HIBCH: variants seen among roughly 807,000 people sequenced by gnomAD.
HIBCH encodes 3-hydroxyisobutyryl-CoA hydrolase, mitochondrial.
HIBCH carries 50 observed loss-of-function variants against 58.2 expected under a neutral mutation model. That is an observed-to-expected ratio of 0.86 (90% CI 0.68 to 1.09). The LOEUF is 1.09. Among genes scored for constraint, HIBCH ranks in the 50% least tolerant of loss-of-function variants. The pLI, the probability that HIBCH is intolerant of heterozygous loss-of-function variation, is 0.00. For synonymous variants in HIBCH, 151 were observed against 146.9 expected (o/e 1.03, Z -0.20); for missense variants, 450 against 449.7 (o/e 1.00, Z -0.01).
chr2:190,209,282 T>C lies in HIBCH; in HGVS notation c.1012-369A>G, dbSNP rs1297215098. Among the ~76,000 whole-genome samples, 1 of 152,134 alleles carries C rather than the reference T, an allele frequency of 6.6e-6. No individual in the cohort carries two copies. Among genetic ancestry groups the C allele is most frequent in the Non-Finnish European group, 1.5e-5 (1 of 68,022 alleles). ...AACCTTTTTTCCTTTTTTACAATCC[T>C]AGCAAAATCCTGGCACCAACTAAAC... On this transcript the variant is annotated intron_variant, in intron 12 of 13. Transcript: ENST00000359678. This position sits in a 1 kb window ranked among gnomAD's most constrained non-coding sequence, Gnocchi z 5.6.
At chr2:190,286,977 T>C (rs1269373218) in intron 6 of HIBCH, among the ~76,000 whole-genome samples, 4 of 151,686 alleles carry the variant, frequency 2.6e-5, no homozygotes, top group Admixed American at 6.6e-5. Context: ...ACAATCAGTT[T>C]CCATTGCTTA....
chr2:190,296,719 A>G, intron 3 of HIBCH, 94 bp downstream of exon 3: 4 of 1,172,962 alleles, frequency 3.4e-6, no homozygotes, highest in Non-Finnish European at 5.1e-6. Flanking sequence ...TATCCCAGAG[A>G]ATTATGTGAT....
chr2:190,264,815 T>A (rs1211573599), intron 6 of HIBCH, among the ~76,000 whole-genome samples: 1 of 151,974 alleles, frequency 6.6e-6, no homozygotes, highest in Non-Finnish European at 1.5e-5. Context: ...AGTAAAAGTG[T>A]CAGGTCAAAG....
chr2:190,245,690 G>A (rs1686584772), intron 10 of HIBCH, among the ~76,000 whole-genome samples: 1 of 151,978 alleles, frequency 6.6e-6, no homozygotes, highest in Non-Finnish European at 1.5e-5. Flanking sequence ...ACTTTCAAAG[G>A]TAAGTGAAAA....
intron 4 of HIBCH, among the ~76,000 whole-genome samples, chr2:190,292,591 G>A (rs541641891): frequency 1.4e-3 from 219 of 152,338 alleles, no homozygotes; most frequent in Non-Finnish European, 2.3e-3. Context: ...GATTACAGGC[G>A]TTAGCCTCTG....
rs5837182 is a variant in HIBCH at position 190,194,474 on chromosome 2, GTA to G, written c.*18-4479_*18-4478del. 3.2e-3 allele frequency among the ~76,000 whole-genome samples: 402 copies of G among 124,002 alleles called. 1 individual carries two copies. Among genetic ancestry groups the G allele is most frequent in the African/African-American group, 0.012 (310 of 26,482 alleles). The allele number at this position is 124,002 out of a possible 152,430, so 81.4% of individuals were successfully genotyped here. On this transcript the variant is annotated intron_variant, in intron 1 of 1. Coordinates refer to the HIBCH transcript ENST00000399855. The stretch of plus-strand genomic sequence containing the variant: ...GAAGTAGTGTTCCCACGTATCCTGT[GTA>G]TACACACACACACACACACACACAC...
chr2:190,297,074 C>G, intron 2 of HIBCH, 121 bp from the exon 3 acceptor site: 1 of 859,532 alleles, frequency 1.2e-6, no homozygotes, highest in Non-Finnish European at 1.9e-6. Context: ...GAAAGAATAA[C>G]TAGGTACACC....
At chr2:190,221,765 T>C (rs1387637476) in intron 11 of HIBCH, among the ~76,000 whole-genome samples, 1 of 151,900 alleles carries the variant, frequency 6.6e-6, no homozygotes, top group Non-Finnish European at 1.5e-5. Context: ...GAGACTACGG[T>C]TGGACATTGG....
rs572878671 is a variant in HIBCH at position 190,257,157 on chromosome 2, T to C, written c.517+3999A>G. ...TCATAATCAAATAGCTTGAAACATG[T>C]GATCAAGAGAAAATCTTAAGAGCAG... On this transcript the variant is annotated intron_variant, in intron 7 of 13. Transcript: ENST00000359678. Among the ~76,000 whole-genome samples the C allele has an allele frequency of 1.2e-3, 187 of 152,144 alleles. 6 individuals are homozygous for C. The South Asian group carries it at 0.037, about 30-fold the overall frequency.
At chr2:190,201,247 A>AT (rs1690232156), downstream of HIBCH, 1 of 166,790 alleles carries the variant, frequency 6.0e-6, no homozygotes, top group Non-Finnish European at 1.5e-5. Context: ...TTTCTCTTTC[A>AT]TTTTTACTGT....
At chr2:190,237,947 T>A (rs1686329807) in intron 11 of HIBCH, among the ~76,000 whole-genome samples, 1 of 152,148 alleles carries the variant, frequency 6.6e-6, no homozygotes, top group African/African-American at 2.4e-5. Context: ...TGTATTAGTT[T>A]GCCGAGAATG....
chr2:190,197,040 G>C lies in HIBCH; in HGVS notation c.*18-7043C>G, dbSNP rs1298679570. 6.6e-6 allele frequency among the ~76,000 whole-genome samples: 1 copy of C among 152,092 alleles called. No individual in the cohort carries two copies. The highest frequency in any genetic ancestry group is 1.9e-4 in the East Asian group (1 of 5,186). The stretch of plus-strand genomic sequence containing the variant: ...GCTTTGTGGTTTACAGCTTTTCACT[G>C]TGGCCTCACATGTCAGTAGGGGCAA... On this transcript the variant is annotated intron_variant, in intron 1 of 1. Transcript: ENST00000399855. The surrounding 1 kb of genome is among the most constrained non-coding windows in gnomAD (Gnocchi z 4.0).
chr2:190,301,201 C>G (rs1274215139), intron 2 of HIBCH, among the ~76,000 whole-genome samples: 1 of 152,206 alleles, frequency 6.6e-6, no homozygotes, highest in East Asian at 1.9e-4. Context: ...CTGCTAAATC[C>G]TTTCCCTTTA....
At chr2:190,244,734 C>A (rs1686555624) in intron 11 of HIBCH, among the ~76,000 whole-genome samples, 153 bp downstream of exon 11, 1 of 152,156 alleles carries the variant, frequency 6.6e-6, no homozygotes, top group African/African-American at 2.4e-5. Context: ...GTTAGTGGAA[C>A]TGATTTCTGA....
At chr2:190,299,417 TCA>T (rs1559060519) in intron 2 of HIBCH, among the ~76,000 whole-genome samples, 1 of 152,246 alleles carries the variant, frequency 6.6e-6, no homozygotes, top group Non-Finnish European at 1.5e-5. Flanking sequence ...TTTGAATTTC[TCA>T]GTTTCTCTAA....
At chr2:190,262,486 C>T (rs993202950) in intron 6 of HIBCH, among the ~76,000 whole-genome samples, 7 of 152,202 alleles carry the variant, frequency 4.6e-5, no homozygotes, top group South Asian at 2.1e-4. Flanking sequence ...CATCACACAA[C>T]GTAAGTCTTT....
rs745713183 is a variant in HIBCH, at chr2:190,268,041, CAATT to C, written c.439-6811_439-6808del. Reference sequence around the variant, plus strand: ...CAAAAATATCTGCATTTTAAATACTCAATTAGAAATAACTCAGAAATAATCAGAC... The same window carrying C: ...CAAAAATATCTGCATTTTAAATACTCAGAAATAACTCAGAAATAATCAGAC... On this transcript the variant is annotated intron_variant, in intron 6 of 13. Coordinates refer to ENST00000359678, the MANE Select transcript of HIBCH (RefSeq NM_014362.4). Among the ~76,000 whole-genome samples the C allele has an allele frequency of 3.2e-4, 49 of 152,210 alleles. 2 individuals are homozygous for C. Among genetic ancestry groups the C allele is most frequent in the East Asian group, 2.1e-3 (11 of 5,182 alleles).
chr2:190,243,619 T>G lies in HIBCH; in HGVS notation c.891+1268A>C, dbSNP rs1377441903. Reference sequence around the variant, plus strand: ...GCCCATCCTTGAAAGTTAACAAAATTTTAATACTGTATAAGATCCCATGGG... The same window carrying G: ...GCCCATCCTTGAAAGTTAACAAAATGTTAATACTGTATAAGATCCCATGGG... On this transcript the variant is annotated intron_variant, in intron 11 of 13. Coordinates refer to ENST00000359678, the MANE Select transcript of HIBCH (RefSeq NM_014362.4). This position sits in a 1 kb window ranked among gnomAD's most constrained non-coding sequence, Gnocchi z 4.1. 6.6e-6 allele frequency among the ~76,000 whole-genome samples: 1 copy of G among 152,154 alleles called. No homozygotes were observed. The highest frequency in any genetic ancestry group is 1.5e-5 in the Non-Finnish European group (1 of 68,036).
intron 4 of HIBCH, among the ~76,000 whole-genome samples, chr2:190,291,405 C>A (rs897370086): frequency 1.3e-5 from 2 of 151,994 alleles, no homozygotes; most frequent in Non-Finnish European, 1.5e-5. Flanking sequence ...GAAGAGGTAA[C>A]CCTAAGCCAA....
Sources: gnomAD v4.1 joint callset for allele counts (sites outside exome capture counted in the v4.1 genomes callset) on GRCh38, gnomAD v4.1.1 for gene constraint, Gnocchi (gnomAD v3.1) non-coding constraint, MANE v1.5 for transcripts, NCBI Gene and HGNC (gene_info 2026-07-23, HGNC 2026-07-21) for gene names.